Variants in RAB2A observed in about 807,000 individuals in gnomAD.
RAB2A encodes RAB2A, member RAS oncogene family.
RAB2A carries 7 observed loss-of-function variants against 32.5 expected under a neutral mutation model. The ratio of observed to expected loss-of-function variants is 0.22; its 90% confidence interval spans 0.12 to 0.40. The LOEUF (loss-of-function observed/expected upper bound fraction) is 0.40, where lower values mean the gene tolerates loss of function less well. RAB2A is among the 10% of genes least tolerant of loss of function. The pLI is 1.00. For synonymous variants in RAB2A, 79 were observed against 85.2 expected (o/e 0.93, Z 0.40); for missense variants, 108 against 260.7 (o/e 0.41, Z 4.03).
chr8:60,605,019 T>C (rs889509580), intron 6 of RAB2A, among the ~76,000 whole-genome samples: 2 of 152,136 alleles, frequency 1.3e-5, no homozygotes, highest in Non-Finnish European at 2.9e-5. Context: ...CCTCACAGGC[T>C]CAGAGGCCTA....
chr8:60,556,247 G>A (rs1357464403), intron 1 of RAB2A, among the ~76,000 whole-genome samples: 1 of 152,122 alleles, frequency 6.6e-6, no homozygotes, highest in Non-Finnish European at 1.5e-5. Context: ...GAGTGGTTGG[G>A]TAATAGGTAC....
At chr8:60,582,147 C>T (rs979122968) in intron 3 of RAB2A, among the ~76,000 whole-genome samples, 9 of 151,850 alleles carry the variant, frequency 5.9e-5, no homozygotes, top group African/African-American at 2.2e-4. Context: ...TGGGGTCTCG[C>T]CATGTTAGCC....
chr8:60,558,470 A>T (rs747562163), intron 1 of RAB2A: 1 of 512,496 alleles, frequency 2.0e-6, no homozygotes, highest in East Asian at 5.4e-5. Context: ...TTCATAGGGG[A>T]GTATGATAAA....
intron 6 of RAB2A, among the ~76,000 whole-genome samples, chr8:60,612,427 A>G (rs1368064920): frequency 6.6e-6 from 1 of 152,226 alleles, no homozygotes; most frequent in Non-Finnish European, 1.5e-5. Context: ...GATGTAAATA[A>G]TACAAATTTT....
At chr8:60,522,549 C>G (rs1194262313) in intron 1 of RAB2A, among the ~76,000 whole-genome samples, 2 of 152,042 alleles carry the variant, frequency 1.3e-5, no homozygotes, top group Non-Finnish European at 2.9e-5. Flanking sequence ...CAATATCACA[C>G]ATAGTATTGG....
At chr8:60,578,284 G>A (rs1803675947) in intron 3 of RAB2A, among the ~76,000 whole-genome samples, 1 of 152,202 alleles carries the variant, frequency 6.6e-6, no homozygotes, top group South Asian at 2.1e-4. Flanking sequence ...CATTTGAGTA[G>A]TGTGTTCATT....
At chr8:60,592,545 T>C (rs1055151859) in intron 6 of RAB2A, among the ~76,000 whole-genome samples, 1 of 152,186 alleles carries the variant, frequency 6.6e-6, no homozygotes, top group African/African-American at 2.4e-5. Flanking sequence ...ACTGTCAATA[T>C]ATTACCACAT....
intron 2 of RAB2A, among the ~76,000 whole-genome samples, chr8:60,560,315 C>T (rs1445611058): frequency 6.6e-6 from 1 of 152,164 alleles, no homozygotes; most frequent in Non-Finnish European, 1.5e-5. Flanking sequence ...TTTCGCACTC[C>T]TGGGCTCAGG....
chr8:60,523,820 A>G (rs1004001329), intron 1 of RAB2A, among the ~76,000 whole-genome samples: 48 of 151,494 alleles, frequency 3.2e-4, no homozygotes, highest in African/African-American at 1.1e-3. Flanking sequence ...CCTCCCAAGT[A>G]GCTGGGACTA....
intron 3 of RAB2A, chr8:60,576,285 A>G (rs534843421): frequency 1.9e-4 from 87 of 456,114 alleles, no homozygotes; most frequent in African/African-American, 1.7e-3. Context: ...TCATTGGCAG[A>G]AAAAAGGCAG....
intron 1 of RAB2A, among the ~76,000 whole-genome samples, chr8:60,539,374 T>G (rs1330634346): frequency 1.3e-5 from 2 of 152,338 alleles, no homozygotes; most frequent in East Asian, 3.8e-4. Flanking sequence ...ATCTCTTTTA[T>G]TACATATTAT....
intron 1 of RAB2A, among the ~76,000 whole-genome samples, chr8:60,548,981 AC>A (rs988924731): frequency 1.4e-5 from 2 of 140,642 alleles, no homozygotes; most frequent in African/African-American, 5.5e-5. Context: ...CAGGGCAGAG[AC>A]GCTCCTCACA....
chr8:60,573,787 CTCT>C (rs1808229558), intron 3 of RAB2A, among the ~76,000 whole-genome samples: 2 of 152,324 alleles, frequency 1.3e-5, no homozygotes, highest in African/African-American at 4.8e-5. Context: ...AAGAGGTTCT[CTCT>C]TCTTGTTTTG....
At chr8:60,533,718 C>A (rs956168867) in intron 1 of RAB2A, among the ~76,000 whole-genome samples, 1 of 152,066 alleles carries the variant, frequency 6.6e-6, no homozygotes, top group Non-Finnish European at 1.5e-5. Flanking sequence ...CATCTGTAAT[C>A]CCAGCATTTT....
intron 6 of RAB2A, among the ~76,000 whole-genome samples, chr8:60,618,054 T>G (rs1804476639): frequency 1.3e-5 from 2 of 152,244 alleles, no homozygotes; most frequent in Admixed American, 6.5e-5. Context: ...AATCAGTACT[T>G]CATTCCTTTT....
chr8:60,593,216 A>G (rs1478878739), intron 6 of RAB2A, among the ~76,000 whole-genome samples: 1 of 152,220 alleles, frequency 6.6e-6, no homozygotes, highest in Non-Finnish European at 1.5e-5. Flanking sequence ...TTTCATCGTC[A>G]CGTGACCATC....
At chr8:60,609,069 A>T (rs1213884688) in intron 6 of RAB2A, among the ~76,000 whole-genome samples, 1 of 152,190 alleles carries the variant, frequency 6.6e-6, no homozygotes, top group African/African-American at 2.4e-5. Flanking sequence ...TTAACCATGC[A>T]GTGGTTCCCC....
intron 1 of RAB2A, among the ~76,000 whole-genome samples, chr8:60,529,834 C>A (rs1193766220): frequency 6.6e-6 from 1 of 152,186 alleles, no homozygotes; most frequent in Non-Finnish European, 1.5e-5. Context: ...TATTCTTGTG[C>A]CTGCCTCCTT....
intron 3 of RAB2A, among the ~76,000 whole-genome samples, chr8:60,573,424 C>T (rs1263856562): frequency 3.3e-5 from 5 of 152,330 alleles, no homozygotes; most frequent in African/African-American, 1.2e-4. Flanking sequence ...AAGCAAGTTG[C>T]TGAAGGCTGC....
Sources: gnomAD v4.1 joint callset for allele counts (sites outside exome capture counted in the v4.1 genomes callset) on GRCh38, gnomAD v4.1.1 for gene constraint, MANE v1.5 for transcripts, NCBI Gene and HGNC (gene_info 2026-07-23, HGNC 2026-07-21) for gene names.